The following SLC17A5 variants were observed in gnomAD, a reference collection of about 807,000 sequenced individuals.
SLC17A5 encodes sialin.
SLC17A5 carries 47 observed loss-of-function variants against 59.4 expected under a neutral mutation model. The ratio of observed to expected loss-of-function variants is 0.79; its 90% CI spans 0.63 to 1.01. The LOEUF (loss-of-function observed/expected upper bound fraction) is 1.01, where lower values mean the gene tolerates loss of function less well. Among genes scored for constraint, SLC17A5 ranks in the 50% least tolerant of loss-of-function variants. The probability of loss-of-function intolerance (pLI) is 0.00; values close to 1 mark genes in which losing one functional copy is unlikely to be tolerated. For synonymous variants in SLC17A5, 202 were observed against 210.7 expected (o/e 0.96, Z 0.36); for missense variants, 522 against 595.5 (o/e 0.88, Z 1.28).
At chr6:73,625,819 A>G (rs188474668) in intron 6 of SLC17A5, among the ~76,000 whole-genome samples, 1 of 151,780 alleles carries the variant, frequency 6.6e-6, no homozygotes, top group East Asian at 2.0e-4. Flanking sequence ...CCAATTGAAT[A>G]GGTTGTGGGT....
intron 1 of SLC17A5, among the ~76,000 whole-genome samples, chr6:73,652,520 C>G (rs768597322): frequency 1.2e-4 from 18 of 152,140 alleles, no homozygotes; most frequent in Non-Finnish European, 2.2e-4. Flanking sequence ...TTTGATTATA[C>G]ATATACATAT....
At position 73,632,567 on chromosome 6, in the gene SLC17A5, C is replaced by T. The variant is rs148890029; in HGVS notation, c.819+2815G>A. Among the ~76,000 whole-genome samples, 9 of 150,438 alleles carry T rather than the reference C, an allele frequency of 6.0e-5. No homozygotes were observed. In the East Asian group the frequency reaches 1.8e-3, roughly 30 times the overall value. ...ACTCAATCCTCCTGCTGCAGCCAGC[C>T]GAGTAGCTGGGACTACAAGTGCATA... On this transcript the variant is annotated intron_variant, in intron 6 of 10. Transcript: ENST00000355773.
At chr6:73,609,977 C>T (rs1352600875) in intron 9 of SLC17A5, among the ~76,000 whole-genome samples, 1 of 151,658 alleles carries the variant, frequency 6.6e-6, no homozygotes, top group African/African-American at 2.4e-5. Context: ...AATGTGAATA[C>T]TTAATGCCAC....
At chr6:73,632,437 T>C (rs1456129038) in intron 6 of SLC17A5, among the ~76,000 whole-genome samples, 1 of 89,272 alleles carries the variant, frequency 1.1e-5, no homozygotes, top group Non-Finnish European at 1.9e-5. Flanking sequence ...GAGAAAGCTT[T>C]TTTTTTTTTT....
intron 6 of SLC17A5, among the ~76,000 whole-genome samples, chr6:73,623,040 C>CTATTT (rs1267623219): frequency 2.0e-5 from 3 of 151,928 alleles, no homozygotes; most frequent in African/African-American, 7.3e-5. Context: ...AGTTTAAGTA[C>CTATTT]TATTTTATTT....
chr6:73,614,457 G>GT (rs551380506), intron 8 of SLC17A5, among the ~76,000 whole-genome samples: 188 of 152,278 alleles, frequency 1.2e-3, no homozygotes, highest in Non-Finnish European at 2.0e-3. Context: ...TCTGCCCCCG[G>GT]TTTTTTGGCA....
intron 6 of SLC17A5, among the ~76,000 whole-genome samples, chr6:73,622,770 T>C (rs625512): frequency 0.16 from 24,641 of 152,194 alleles, 3,062 homozygotes; most frequent in African/African-American, 0.34. Flanking sequence ...TATGCAGTAG[T>C]GGTCTTTAAA....
chr6:73,648,555 T>C (rs1210780636), intron 1 of SLC17A5, among the ~76,000 whole-genome samples: 1 of 152,198 alleles, frequency 6.6e-6, no homozygotes, highest in African/African-American at 2.4e-5. Context: ...CTATAATATG[T>C]AGAGACCACC....
intron 9 of SLC17A5, among the ~76,000 whole-genome samples, chr6:73,602,598 C>T (rs1767195727): frequency 6.6e-6 from 1 of 152,000 alleles, no homozygotes; most frequent in African/African-American, 2.4e-5. Context: ...CATGGTGAAA[C>T]CCCGTCTCTA....
At chr6:73,600,323 C>T in intron 10 of SLC17A5, 28 bp downstream of exon 10, 2 of 1,540,298 alleles carry the variant, frequency 1.3e-6, no homozygotes, top group Non-Finnish European at 1.8e-6. Context: ...CAAAACCTTT[C>T]CAGTTTACAA....
chr6:73,640,242 G>A (rs2150116959), intron 3 of SLC17A5, among the ~76,000 whole-genome samples: 1 of 152,268 alleles, frequency 6.6e-6, no homozygotes, highest in Middle Eastern at 3.4e-3. Context: ...TTGTCAAGAA[G>A]AACAGGAACC....
In SLC17A5 at chr6:73,594,992, A is replaced by G. The variant is rs1173740905; in HGVS notation, c.*85T>C. The G allele has an allele frequency of 4.9e-6, 7 of 1,420,300 alleles. No homozygotes were observed. Among genetic ancestry groups the G allele is most frequent in the Non-Finnish European group, 6.9e-6 (7 of 1,007,324 alleles). The allele number at this position is 1,420,300 out of a possible 1,614,324, so 88.0% of individuals were successfully genotyped here. On this transcript the variant is annotated 3_prime_UTR_variant, in exon 11 of 11. Transcript: ENST00000355773. ...CAAGTACAATTAAAAAAAGACATAG[A>G]ATGCTTACACAATACAGAAGGCACT...
At chr6:73,607,755 C>G (rs1462026431) in intron 9 of SLC17A5, among the ~76,000 whole-genome samples, 2 of 150,786 alleles carry the variant, frequency 1.3e-5, no homozygotes, top group Non-Finnish European at 2.9e-5. Context: ...GGCTGCTGAA[C>G]CAATTTTATG....
intron 9 of SLC17A5, among the ~76,000 whole-genome samples, chr6:73,606,726 C>T (rs952349950): frequency 4.6e-5 from 7 of 152,140 alleles, no homozygotes; most frequent in African/African-American, 1.7e-4. Flanking sequence ...ATGTTTGTGT[C>T]TTCAACATCT....
chr6:73,611,582 GTT>G (rs34949489), intron 8 of SLC17A5, among the ~76,000 whole-genome samples: 13 of 146,236 alleles, frequency 8.9e-5, no homozygotes, highest in African/African-American at 3.0e-4. Flanking sequence ...CCCGGCCTTG[GTT>G]TTTTTTTTTT....
intron 9 of SLC17A5, among the ~76,000 whole-genome samples, chr6:73,607,311 C>T (rs935866056): frequency 2.7e-5 from 4 of 148,510 alleles, no homozygotes; most frequent in African/African-American, 1.0e-4. Context: ...TGGAGTTTCA[C>T]TCTTGTCACC....
intron 7 of SLC17A5, among the ~76,000 whole-genome samples, chr6:73,615,815 T>A (rs544053005): frequency 4.2e-4 from 64 of 151,876 alleles, no homozygotes; most frequent in African/African-American, 1.4e-3. Context: ...TTAAAAAAAA[T>A]TTTTTTTACT....
chr6:73,651,385 G>C (rs991700302), intron 1 of SLC17A5, among the ~76,000 whole-genome samples: 4 of 146,090 alleles, frequency 2.7e-5, no homozygotes, highest in African/African-American at 1.0e-4. Context: ...CACTTGAACC[G>C]GGGAGGCTGA....
At chr6:73,635,041 A>G (rs1213538966) in intron 6 of SLC17A5, among the ~76,000 whole-genome samples, 1 of 152,036 alleles carries the variant, frequency 6.6e-6, no homozygotes, top group Non-Finnish European at 1.5e-5. Flanking sequence ...ATAAAAAATG[A>G]AAGAACTGAA....
Sources: gnomAD v4.1 joint callset for allele counts (sites outside exome capture counted in the v4.1 genomes callset) on GRCh38, gnomAD v4.1.1 for gene constraint, MANE v1.5 for transcripts, NCBI Gene and HGNC (gene_info 2026-07-23, HGNC 2026-07-21) for gene names.